GRB10: variants seen among roughly 807,000 people sequenced by gnomAD.
The protein encoded by GRB10 is growth factor receptor bound protein 10.
A neutral mutation model predicts 80.9 loss-of-function variants in GRB10; 20 were observed. The observed-to-expected ratio is 0.25, with a 90% confidence interval of 0.17 to 0.36. The LOEUF is 0.36. Among genes scored for constraint, GRB10 ranks in the 10% least tolerant of loss-of-function variants. The pLI, the probability that GRB10 is intolerant of heterozygous loss-of-function variation, is 1.00. For missense variants in GRB10, 548 were observed against 747.7 expected (o/e 0.73, Z 3.12); for synonymous variants, 291 against 291.5 (o/e 1.00, Z 0.02).
chr7:50,616,160 G>C (rs768200199), intron 11 of GRB10, 50 bp downstream of exon 11: 8 of 1,611,500 alleles, frequency 5.0e-6, no homozygotes, highest in African/African-American at 2.7e-5. Context: ...GACCTGGGGG[G>C]AGTGACTGTG....
At chr7:50,630,733 T>G (rs1181622806) in intron 7 of GRB10, among the ~76,000 whole-genome samples, 1 of 152,214 alleles carries the variant, frequency 6.6e-6, no homozygotes, top group Non-Finnish European at 1.5e-5. Context: ...AACGGCAATA[T>G]TAAAGAGGGC....
At chr7:50,642,032 A>G (rs1347503035) in intron 7 of GRB10, among the ~76,000 whole-genome samples, 1 of 152,210 alleles carries the variant, frequency 6.6e-6, no homozygotes, top group Non-Finnish European at 1.5e-5. Context: ...GGCTCTACAT[A>G]GAGGCTTCAA....
intron 7 of GRB10, among the ~76,000 whole-genome samples, chr7:50,648,766 A>G (rs1465046622): frequency 6.6e-6 from 1 of 152,138 alleles, no homozygotes; most frequent in Non-Finnish European, 1.5e-5. Context: ...AGACATAACA[A>G]TGGACTTATT....
intron 2 of GRB10, among the ~76,000 whole-genome samples, chr7:50,765,465 T>C (rs1413104617): frequency 6.6e-6 from 1 of 152,154 alleles, no homozygotes; most frequent in East Asian, 1.9e-4. Context: ...ATACACACAG[T>C]GGAGTGCTAT....
chr7:50,778,027 G>A (rs770409920), intron 2 of GRB10, among the ~76,000 whole-genome samples: 9 of 151,940 alleles, frequency 5.9e-5, no homozygotes, highest in African/African-American at 1.9e-4. Flanking sequence ...CATGGTACAC[G>A]TATACCTATG....
intron 2 of GRB10, chr7:50,761,841 T>A (rs2075800004): frequency 6.6e-6 from 1 of 152,174 alleles, no homozygotes; most frequent in African/African-American, 2.4e-5. Context: ...GCTGTTGTGA[T>A]GGAGTTCTCA....
chr7:50,727,411 T>C (rs555293964), intron 4 of GRB10, among the ~76,000 whole-genome samples: 3 of 152,324 alleles, frequency 2.0e-5, no homozygotes, highest in African/African-American at 7.2e-5. Context: ...GGTACCCTAA[T>C]ACCCAGCCAT....
chr7:50,618,177 G>A, intron 9 of GRB10, 38 bp from the exon 10 acceptor site: 1 of 1,494,060 alleles, frequency 6.7e-7, no homozygotes, highest in African/African-American at 1.4e-5. Context: ...TAAAAGGTTA[G>A]CTTCAAAGTG....
rs533402482 is a variant in GRB10 at position 50,648,464 on chromosome 7, A to T, written c.504+21258T>A. Among the ~76,000 whole-genome samples the T allele has an allele frequency of 3.3e-5, 5 of 152,362 alleles. No individual in the cohort carries two copies. The South Asian group carries it at 8.3e-4, about 25-fold the overall frequency. On this transcript the variant is annotated intron_variant, in intron 7 of 18. Coordinates refer to ENST00000401949, the MANE Select transcript of GRB10 (RefSeq NM_001350814.2). ...CCAAGGAAAATGATAATCTTCTGAA[A>T]GCAGTAATTTTAACCACTGCCTTAA...
At chr7:50,751,146 C>A (rs966905188) in intron 3 of GRB10, among the ~76,000 whole-genome samples, 2 of 152,136 alleles carry the variant, frequency 1.3e-5, no homozygotes, top group Admixed American at 6.5e-5. Context: ...ACCACTCCTA[C>A]CCCTCTGTAT....
chr7:50,723,562 G>C (rs894157100), intron 4 of GRB10, among the ~76,000 whole-genome samples: 3 of 152,176 alleles, frequency 2.0e-5, no homozygotes, highest in African/African-American at 7.2e-5. Flanking sequence ...GACGATGAAG[G>C]GTTTTTAGCG....
rs776378392 is a variant in GRB10, at chr7:50,626,975, C to T, written c.508G>A (p.Val170Ile). 1 of 1,614,154 alleles carries T rather than the reference C, an allele frequency of 6.2e-7. No individual in the cohort carries two copies. The highest frequency in any genetic ancestry group is 8.5e-7 in the Non-Finnish European group (1 of 1,180,010). Reference sequence around the variant, plus strand: ...GTCCCATCTTCACTAAAGACTTTAACATCCTGCAACACACAAAGGGGATAG... The same window carrying T: ...GTCCCATCTTCACTAAAGACTTTAATATCCTGCAACACACAAAGGGGATAG... The part of the protein sequence containing the change: ...PPSQAAAKQD[V>I]KVFSEDGTSK... The change falls in exon 8 of 19, where the codon GTT becomes ATT. Residue 170 changes from valine (V) to isoleucine (I), a missense_variant. Coordinates refer to ENST00000401949, the MANE Select transcript of GRB10 (RefSeq NM_001350814.2).
chr7:50,776,501 A>G (rs2077666705), intron 2 of GRB10, among the ~76,000 whole-genome samples: 1 of 152,156 alleles, frequency 6.6e-6, no homozygotes, highest in Non-Finnish European at 1.5e-5. Context: ...GATTACAGGC[A>G]TGAGCCATAG....
intron 7 of GRB10, among the ~76,000 whole-genome samples, chr7:50,657,220 T>A (rs1354705154): frequency 1.3e-5 from 2 of 152,220 alleles, no homozygotes; most frequent in Non-Finnish European, 2.9e-5. Flanking sequence ...GACCAAACTC[T>A]GGGCAGATGG....
Position 50,642,302 on chromosome 7 carries a change from GCA to G in GRB10, c.505-15326_505-15325del, listed in dbSNP as rs150167179. Among the ~76,000 whole-genome samples, 1,375 of 148,618 alleles carry G rather than the reference GCA, an allele frequency of 9.3e-3. 24 individuals are homozygous for G. The highest frequency in any genetic ancestry group is 0.031 in the African/African-American group (1,263 of 40,788). ...TTCACACACACACACACACACGCAT[GCA>G]CACACACACACATACAAACACATGC... On this transcript the variant is annotated intron_variant, in intron 7 of 18. Transcript: ENST00000401949.
chr7:50,673,530 G>T (rs1224656519), intron 6 of GRB10, among the ~76,000 whole-genome samples: 1 of 152,064 alleles, frequency 6.6e-6, no homozygotes, highest in Non-Finnish European at 1.5e-5. Flanking sequence ...AAATTCAAGT[G>T]CTGGCAAAAC....
Position 50,654,887 on chromosome 7 carries a change from C to T in GRB10, c.504+14835G>A, listed in dbSNP as rs573198811. Among the ~76,000 whole-genome samples, 55 of 152,270 alleles carry T rather than the reference C, an allele frequency of 3.6e-4. 1 individual carries two copies. The South Asian group carries it at 8.5e-3, about 24-fold the overall frequency. On this transcript the variant is annotated intron_variant, in intron 7 of 18. Coordinates refer to ENST00000401949, the MANE Select transcript of GRB10 (RefSeq NM_001350814.2). ...AATGATCAAAATCAGGAAATTAACA[C>T]TGATATACTACCATTAGCTAATTTA...
intron 5 of GRB10, among the ~76,000 whole-genome samples, chr7:50,682,382 T>C (rs964705626): frequency 6.6e-6 from 1 of 152,204 alleles, no homozygotes; most frequent in African/African-American, 2.4e-5. Flanking sequence ...CTCTGGGATT[T>C]AGGTGGGAAA....
intron 1 of GRB10, among the ~76,000 whole-genome samples, chr7:50,791,514 C>T (rs2078913754): frequency 1.3e-5 from 2 of 152,204 alleles, no homozygotes; most frequent in Non-Finnish European, 1.5e-5. Context: ...TGACCTCGGG[C>T]ATGCCAATTA....
Sources: gnomAD v4.1 joint callset for allele counts (sites outside exome capture counted in the v4.1 genomes callset) on GRCh38, gnomAD v4.1.1 for gene constraint, MANE v1.5 for transcripts, NCBI Gene and HGNC (gene_info 2026-07-23, HGNC 2026-07-21) for gene names.